The following PRKN variants were observed in gnomAD, a reference collection of about 807,000 sequenced individuals.
PRKN encodes the protein parkin RBR E3 ubiquitin protein ligase, also known as E3 ubiquitin-protein ligase parkin.
In PRKN, 56 loss-of-function variants were observed where a neutral mutation model predicts 59.5. That is an observed-to-expected ratio of 0.94 (90% CI 0.76 to 1.18). The LOEUF is 1.18. PRKN is among the 50% of genes most tolerant of loss of function. The probability of loss-of-function intolerance (pLI) is 0.00; values close to 1 mark genes in which losing one functional copy is unlikely to be tolerated. For missense variants in PRKN, 657 were observed against 596.4 expected, an observed-to-expected ratio of 1.10 and a Z score of -1.06; for synonymous variants, 250 against 222.1, an observed-to-expected ratio of 1.13 and a Z score of -1.12.
At chr6:161,744,778 A>C (rs1442544971) in intron 7 of PRKN, among the ~76,000 whole-genome samples, 1 of 152,150 alleles carries the variant, frequency 6.6e-6, no homozygotes, top group Non-Finnish European at 1.5e-5. Flanking sequence ...TCAAGAAGGC[A>C]CCTTCCACCA....
intron 6 of PRKN, among the ~76,000 whole-genome samples, chr6:161,936,352 G>A (rs1427588429): frequency 6.6e-6 from 1 of 151,918 alleles, no homozygotes; most frequent in Non-Finnish European, 1.5e-5. Flanking sequence ...GGGGACTACA[G>A]GCGCATGCCA....
At chr6:161,664,623 T>C (rs1029271617) in intron 7 of PRKN, among the ~76,000 whole-genome samples, 2 of 152,204 alleles carry the variant, frequency 1.3e-5, no homozygotes, top group African/African-American at 4.8e-5. Flanking sequence ...TGTCAAAGCC[T>C]ATATGCTGGC....
At chr6:162,681,966 C>A (rs755166751) in intron 1 of PRKN, among the ~76,000 whole-genome samples, 117 of 152,160 alleles carry the variant, frequency 7.7e-4, no homozygotes, top group Admixed American at 8.5e-4. Context: ...ATGCCAAGAA[C>A]CTGGACACTC....
chr6:162,063,143 C>T (rs1166536101), intron 4 of PRKN, among the ~76,000 whole-genome samples: 1 of 152,080 alleles, frequency 6.6e-6, no homozygotes, highest in African/African-American at 2.4e-5. Context: ...AACATTAGAG[C>T]TCATCAAAAA....
chr6:162,328,163 A>AGGCGGGTCACAAAG (rs1338141819), intron 2 of PRKN, among the ~76,000 whole-genome samples: 1 of 152,114 alleles, frequency 6.6e-6, no homozygotes, highest in African/African-American at 2.4e-5. Context: ...GATCAAGACC[A>AGGCGGGTCACAAAG]TCCTGGCCAA....
chr6:162,226,229 T>A, intron 3 of PRKN, among the ~76,000 whole-genome samples: 1 of 151,974 alleles, frequency 6.6e-6, no homozygotes, highest in Non-Finnish European at 1.5e-5. Flanking sequence ...GGCTATGCGC[T>A]TTGAGACAGA....
intron 7 of PRKN, among the ~76,000 whole-genome samples, chr6:161,677,973 T>C (rs1340669405): frequency 6.6e-6 from 1 of 152,058 alleles, no homozygotes; most frequent in East Asian, 1.9e-4. Flanking sequence ...CCTCCAGGAG[T>C]GTTGGCTATT....
intron 7 of PRKN, among the ~76,000 whole-genome samples, chr6:161,643,421 T>A (rs961284590): frequency 6.6e-6 from 1 of 152,222 alleles, no homozygotes; most frequent in Non-Finnish European, 1.5e-5. Context: ...GTGAGCCTCT[T>A]CTATATACAT....
Position 161,576,570 on chromosome 6 carries a change from T to A in PRKN, c.872-7154A>T, listed in dbSNP as rs1395163695. 1.3e-5 allele frequency among the ~76,000 whole-genome samples: 2 copies of A among 152,266 alleles called. No homozygotes were observed. The highest frequency in any genetic ancestry group is 2.9e-5 in the Non-Finnish European group (2 of 68,050). On this transcript the variant is annotated intron_variant, in intron 7 of 11. Coordinates refer to ENST00000366898, the MANE Select transcript of PRKN (RefSeq NM_004562.3). The surrounding 1 kb of genome is among the most constrained non-coding windows in gnomAD (Gnocchi z 4.6). ...GCACCCACTTTGTGCCAGGCACTAT[T>A]ACGACACTTGGGTCGCAGCCGTGAA...
intron 1 of PRKN, among the ~76,000 whole-genome samples, chr6:162,710,722 C>A (rs996817646): frequency 1.3e-5 from 2 of 151,994 alleles, no homozygotes; most frequent in African/African-American, 4.8e-5. Flanking sequence ...CCCCTGCCCA[C>A]TATAATAGCA....
chr6:162,028,912 G>A (rs899699398), intron 5 of PRKN, among the ~76,000 whole-genome samples: 1 of 152,232 alleles, frequency 6.6e-6, no homozygotes, highest in East Asian at 1.9e-4. Flanking sequence ...AGAGGGTGCT[G>A]TGAACGCACA....
At chr6:162,716,633 T>A (rs1474606718) in intron 1 of PRKN, among the ~76,000 whole-genome samples, 8 of 152,212 alleles carry the variant, frequency 5.3e-5, no homozygotes, top group Non-Finnish European at 1.5e-5. Flanking sequence ...ATTACCCAGC[T>A]GCAATGCACT....
chr6:162,401,592 C>T (rs535220803), intron 2 of PRKN, among the ~76,000 whole-genome samples: 7 of 152,194 alleles, frequency 4.6e-5, no homozygotes, highest in Non-Finnish European at 7.4e-5. Flanking sequence ...AGTTCAATTA[C>T]GGTTCCTACT....
chr6:161,963,146 G>A (rs921217510), intron 6 of PRKN, among the ~76,000 whole-genome samples: 10 of 151,682 alleles, frequency 6.6e-5, no homozygotes, highest in Admixed American at 3.3e-4. Flanking sequence ...TCCAAACTCT[G>A]TCTCAAAACA....
intron 7 of PRKN, among the ~76,000 whole-genome samples, chr6:161,626,174 C>T (rs1261973527): frequency 6.6e-6 from 1 of 152,180 alleles, no homozygotes; most frequent in Non-Finnish European, 1.5e-5. Flanking sequence ...GGCTCCAACT[C>T]CTTACTGTTT....
At chr6:162,364,833 A>T (rs772442527) in intron 2 of PRKN, among the ~76,000 whole-genome samples, 1 of 152,146 alleles carries the variant, frequency 6.6e-6, no homozygotes, top group East Asian at 1.9e-4. Context: ...AAACAAAGCA[A>T]CCAGGAATAT....
At chr6:161,637,394 T>C (rs1562574378) in intron 7 of PRKN, among the ~76,000 whole-genome samples, 2 of 151,292 alleles carry the variant, frequency 1.3e-5, no homozygotes, top group African/African-American at 2.4e-5. Flanking sequence ...AACAAAATTG[T>C]GTAAGAACAA....
intron 9 of PRKN, among the ~76,000 whole-genome samples, chr6:161,522,416 T>C (rs1053292108): frequency 3.3e-5 from 5 of 152,218 alleles, no homozygotes; most frequent in African/African-American, 9.6e-5. Context: ...TCACCTCTGA[T>C]GGTTTCTTAG....
chr6:162,132,529 G>A (rs1327413087), intron 4 of PRKN, among the ~76,000 whole-genome samples: 1 of 152,106 alleles, frequency 6.6e-6, no homozygotes, highest in Non-Finnish European at 1.5e-5. Context: ...TTATCTAACG[G>A]GGTGTTTGTG....
Sources: allele counts gnomAD v4.1 joint callset (sites outside exome capture counted in the v4.1 genomes callset), GRCh38; gene constraint gnomAD v4.1.1; non-coding constraint Gnocchi (gnomAD v3.1); transcripts MANE v1.5; gene names NCBI Gene and HGNC (gene_info 2026-07-23, HGNC 2026-07-21).